The following HAO1 variants were observed in gnomAD, a reference collection of about 807,000 sequenced individuals.
HAO1 encodes the protein hydroxyacid oxidase 1, also known as 2-Hydroxyacid oxidase 1.
HAO1 carries 34 observed loss-of-function variants against 39.7 expected under a neutral mutation model. The observed-to-expected ratio is 0.86, with a 90% confidence interval of 0.65 to 1.14. HAO1 has a LOEUF of 1.14. Among genes scored for constraint, HAO1 ranks in the 50% most tolerant of loss-of-function variants. The probability of loss-of-function intolerance (pLI) is 0.00; values close to 1 mark genes in which losing one functional copy is unlikely to be tolerated. For synonymous variants in HAO1, 172 were observed against 173.2 expected (o/e 0.99, Z 0.05); for missense variants, 479 against 464.5 (o/e 1.03, Z -0.29).
chr20:7,888,884 C>A (rs1401131752), intron 5 of HAO1, among the ~76,000 whole-genome samples: 1 of 152,108 alleles, frequency 6.6e-6, no homozygotes, highest in Non-Finnish European at 1.5e-5. Context: ...CACTCACTCT[C>A]TAGGAGACCT....
At chr20:7,911,212 C>G (rs963310682) in intron 3 of HAO1, among the ~76,000 whole-genome samples, 12 of 152,166 alleles carry the variant, frequency 7.9e-5, no homozygotes, top group African/African-American at 2.9e-4. Flanking sequence ...CCACTTTAAT[C>G]ATGAGAGACC....
chr20:7,900,460 G>T (rs2327003), intron 4 of HAO1, among the ~76,000 whole-genome samples: 130,949 of 152,188 alleles, frequency 0.86, 56,400 homozygotes, highest in African/African-American at 0.89. Context: ...GTGCTCAATT[G>T]GTATCCCTGT....
At chr20:7,895,819 G>A (rs748648517) in intron 4 of HAO1, among the ~76,000 whole-genome samples, 3 of 152,088 alleles carry the variant, frequency 2.0e-5, no homozygotes, top group African/African-American at 7.2e-5. Context: ...AGGCCAAGGC[G>A]GGCAGATCAC....
At chr20:7,905,647 A>G (rs1214965919) in intron 4 of HAO1, among the ~76,000 whole-genome samples, 1 of 152,182 alleles carries the variant, frequency 6.6e-6, no homozygotes, top group Non-Finnish European at 1.5e-5. Flanking sequence ...TGAGCATTTG[A>G]CCATACTAGT....
chr20:7,933,031 G>A (rs549266398), intron 2 of HAO1, among the ~76,000 whole-genome samples: 7 of 151,950 alleles, frequency 4.6e-5, no homozygotes, highest in African/African-American at 1.2e-4. Flanking sequence ...TTCGATATAC[G>A]GAAAATAAAA....
rs199630444 is a variant in HAO1 at position 7,906,302 on chromosome 20, T to C, written c.573A>G (p.Leu191=). ...CAAAATTTTCCTCAGGAGAAAATGA[T>C]AAAGTACTGGTTTCAAAATTTTTCA... The part of the protein sequence containing the change: ...LRMKNFETST[L]SFSPEENFGD... Residue 191 remains leucine (L), a synonymous_variant, in exon 4 of 8, where the codon TTA becomes TTG. Coordinates refer to ENST00000378789, the MANE Select transcript of HAO1 (RefSeq NM_017545.3). 3 of 1,610,288 alleles carry C rather than the reference T, an allele frequency of 1.9e-6. No individual in the cohort carries two copies. The highest frequency in any genetic ancestry group is 2.5e-6 in the Non-Finnish European group (3 of 1,177,010).
At chr20:7,933,022 T>A (rs2050392415) in intron 2 of HAO1, among the ~76,000 whole-genome samples, 1 of 152,188 alleles carries the variant, frequency 6.6e-6, no homozygotes, top group Admixed American at 6.5e-5. Flanking sequence ...AAATAAAAAT[T>A]CGATATACGG....
rs1600106385 is a variant in HAO1, at chr20:7,893,108, T to A, written c.813+2025A>T. On this transcript the variant is annotated intron_variant, in intron 5 of 7. Transcript: ENST00000378789. ...CAAGGCTCTTCTATTGCACACCCAA[T>A]GACTCATAATAGTCAAGGATCTCCT... 2.0e-5 allele frequency among the ~76,000 whole-genome samples: 3 copies of A among 152,298 alleles called. No individual in the cohort carries two copies. The South Asian group carries it at 6.2e-4, about 32-fold the overall frequency.
intron 5 of HAO1, among the ~76,000 whole-genome samples, chr20:7,892,826 A>T (rs2050180342): frequency 6.6e-6 from 1 of 152,142 alleles, no homozygotes; most frequent in Non-Finnish European, 1.5e-5. Flanking sequence ...ATATGCATAG[A>T]TATATAAAGT....
intron 3 of HAO1, 94 bp downstream of exon 3, chr20:7,914,070 G>A (rs2050294074): frequency 7.4e-7 from 1 of 1,344,470 alleles, no homozygotes; most frequent in Non-Finnish European, 1.0e-6. Flanking sequence ...TTAACTAGAT[G>A]TTTAGCAACG....
At chr20:7,915,887 GTTAGT>G (rs2122779111) in intron 2 of HAO1, among the ~76,000 whole-genome samples, 1 of 152,172 alleles carries the variant, frequency 6.6e-6, no homozygotes, top group South Asian at 2.1e-4. Flanking sequence ...GAATTATGGG[GTTAGT>G]TTAATTTTTT....
chr20:7,914,409 G>A lies in HAO1; in HGVS notation c.300C>T (p.Ser100=). ...GELATVRACQ[S]LGTGMMLSSW... ...AACTCAACATCATGCCCGTTCCCAG[G>A]GACTGACAGGCTGAGAAAGAAAGGG... The change falls in exon 3 of 8, where the codon TCC becomes TCT. Residue 100 remains serine, a synonymous_variant. Transcript: ENST00000378789. 1 of 1,613,250 alleles carries A rather than the reference G, an allele frequency of 6.2e-7. No homozygotes were observed. Among genetic ancestry groups the A allele is most frequent in the Non-Finnish European group, 8.5e-7 (1 of 1,179,532 alleles).
chr20:7,923,637 C>G (rs1169155548), intron 2 of HAO1, among the ~76,000 whole-genome samples: 1 of 152,094 alleles, frequency 6.6e-6, no homozygotes, highest in Admixed American at 6.6e-5. Context: ...GTGTGAAGAC[C>G]TGAACTATGC....
At chr20:7,923,853 A>C (rs1221510513) in intron 2 of HAO1, among the ~76,000 whole-genome samples, 1 of 152,148 alleles carries the variant, frequency 6.6e-6, no homozygotes, top group Admixed American at 6.6e-5. Flanking sequence ...CATGAGGTAG[A>C]TATTTTCTTT....
chr20:7,940,201 C>A, intron 1 of HAO1, 85 bp downstream of exon 1: 2 of 1,107,112 alleles, frequency 1.8e-6, no homozygotes, highest in South Asian at 1.6e-5. Context: ...TAATTACACA[C>A]CACCAACGTA....
intron 2 of HAO1, among the ~76,000 whole-genome samples, chr20:7,923,460 G>A (rs951424664): frequency 6.6e-6 from 1 of 152,142 alleles, no homozygotes; most frequent in Non-Finnish European, 1.5e-5. Context: ...AAGCCTGCCT[G>A]TCCCAGGTTT....
At chr20:7,894,601 C>G (rs2050188554) in intron 5 of HAO1, among the ~76,000 whole-genome samples, 1 of 152,138 alleles carries the variant, frequency 6.6e-6, no homozygotes, top group Admixed American at 6.6e-5. Context: ...AGCTCACTTC[C>G]CGTTGCCCGG....
At chr20:7,936,368 G>C (rs2050410058) in intron 1 of HAO1, among the ~76,000 whole-genome samples, 1 of 152,146 alleles carries the variant, frequency 6.6e-6, no homozygotes, top group Non-Finnish European at 1.5e-5. Context: ...CTCTAAGTGT[G>C]TTATTAGAAT....
At chr20:7,916,794 T>A (rs2050308972) in intron 2 of HAO1, among the ~76,000 whole-genome samples, 1 of 152,234 alleles carries the variant, frequency 6.6e-6, no homozygotes, top group Admixed American at 6.5e-5. Context: ...TTGGAGGTCA[T>A]CATGTCTATA....
Sources: allele counts gnomAD v4.1 joint callset (sites outside exome capture counted in the v4.1 genomes callset), GRCh38; gene constraint gnomAD v4.1.1; transcripts MANE v1.5; gene names NCBI Gene and HGNC (gene_info 2026-07-23, HGNC 2026-07-21).